NEGR1: variants seen among roughly 807,000 people sequenced by gnomAD.
NEGR1 encodes IgLON family member 4.
A neutral mutation model predicts 40.9 loss-of-function variants in NEGR1; 10 were observed. That is an observed-to-expected ratio of 0.24 (90% confidence interval 0.15 to 0.42). The LOEUF (loss-of-function observed/expected upper bound fraction) is 0.42. NEGR1 is among the 10% of genes least tolerant of loss of function. The pLI, the probability that NEGR1 is intolerant of heterozygous loss-of-function variation, is 1.00. For missense variants in NEGR1, 352 were observed against 438.9 expected, an observed-to-expected ratio of 0.80 and a Z score of 1.77; for synonymous variants, 185 against 166.8, an observed-to-expected ratio of 1.11 and a Z score of -0.84.
At chr1:71,482,803 T>C (rs1408411428) in intron 6 of NEGR1, among the ~76,000 whole-genome samples, 1 of 151,880 alleles carries the variant, frequency 6.6e-6, no homozygotes, top group Non-Finnish European at 1.5e-5. Context: ...CAAATGTGCA[T>C]TAATTCAGCA....
intron 2 of NEGR1, among the ~76,000 whole-genome samples, chr1:71,776,737 A>T (rs919949936): frequency 1.2e-4 from 19 of 152,128 alleles, no homozygotes; most frequent in Non-Finnish European, 2.6e-4. Flanking sequence ...AAGCTGGGTG[A>T]GTTAGGACAT....
At chr1:72,138,235 T>A (rs1269580908) in intron 1 of NEGR1, among the ~76,000 whole-genome samples, 5 of 151,880 alleles carry the variant, frequency 3.3e-5, no homozygotes, top group African/African-American at 1.2e-4. Context: ...AATTATTTTT[T>A]TAAAAAACAA....
chr1:72,076,422 C>T (rs536544774), intron 1 of NEGR1, among the ~76,000 whole-genome samples: 3 of 152,282 alleles, frequency 2.0e-5, no homozygotes, highest in South Asian at 4.1e-4. Flanking sequence ...ATGATAAATA[C>T]ATTTCTGTTG....
intron 2 of NEGR1, among the ~76,000 whole-genome samples, chr1:71,779,982 A>G (rs1255821014): frequency 6.8e-6 from 1 of 147,394 alleles, no homozygotes; most frequent in Non-Finnish European, 1.5e-5. Context: ...GGTGTGGTAT[A>G]GAGAAGGGTT....
intron 1 of NEGR1, among the ~76,000 whole-genome samples, chr1:72,262,223 T>C (rs961100296): frequency 1.3e-5 from 2 of 151,906 alleles, no homozygotes; most frequent in African/African-American, 4.8e-5. Flanking sequence ...TTACATAAGG[T>C]TTGGAAAGTG....
At chr1:72,195,046 T>C (rs568345344) in intron 1 of NEGR1, among the ~76,000 whole-genome samples, 1 of 152,168 alleles carries the variant, frequency 6.6e-6, no homozygotes, top group East Asian at 1.9e-4. Flanking sequence ...TCTGTCAATC[T>C]TACCATTATG....
chr1:71,417,498 C>T (rs1569847826), intron 6 of NEGR1, among the ~76,000 whole-genome samples: 1 of 152,292 alleles, frequency 6.6e-6, no homozygotes, highest in East Asian at 1.9e-4. Flanking sequence ...GGATGTCTCT[C>T]AAGACATCAT....
At chr1:71,709,537 A>G (rs1219621006) in intron 3 of NEGR1, among the ~76,000 whole-genome samples, 1 of 152,166 alleles carries the variant, frequency 6.6e-6, no homozygotes, top group Non-Finnish European at 1.5e-5. Flanking sequence ...GAACAATGGA[A>G]CAGAATAGAG....
intron 4 of NEGR1, among the ~76,000 whole-genome samples, chr1:71,658,404 C>T (rs1651943227): frequency 6.6e-6 from 1 of 151,488 alleles, no homozygotes; most frequent in Non-Finnish European, 1.5e-5. Context: ...AAATAAACTA[C>T]ATTTTTTTTT....
intron 1 of NEGR1, among the ~76,000 whole-genome samples, chr1:72,127,741 A>G (rs1020272542): frequency 1.3e-5 from 2 of 152,128 alleles, no homozygotes; most frequent in African/African-American, 4.8e-5. Context: ...TGGAAGACAC[A>G]TAGTTCATCA....
At chr1:72,208,457 C>T (rs1434138239) in intron 1 of NEGR1, among the ~76,000 whole-genome samples, 1 of 151,428 alleles carries the variant, frequency 6.6e-6, no homozygotes, top group African/African-American at 2.4e-5. Context: ...TTTTGGCTCT[C>T]CAAAGAAATC....
At chr1:71,558,721 T>C (rs1358119235) in intron 6 of NEGR1, among the ~76,000 whole-genome samples, 1 of 121,040 alleles carries the variant, frequency 8.3e-6, no homozygotes, top group Non-Finnish European at 1.8e-5. Context: ...TTCTTTTCTT[T>C]CTTTTTTTTT....
At chr1:71,505,990 T>C (rs1647031801) in intron 6 of NEGR1, among the ~76,000 whole-genome samples, 6 of 152,210 alleles carry the variant, frequency 3.9e-5, no homozygotes, top group Admixed American at 3.3e-4. Context: ...AAAAGTTAAA[T>C]ATTTAGGATG....
chr1:71,822,740 A>G lies in NEGR1; in HGVS notation c.410-46443T>C, dbSNP rs367821483. On this transcript the variant is annotated intron_variant, in intron 2 of 6. Transcript: ENST00000357731. The stretch of plus-strand genomic sequence containing the variant: ...CCTGCCATTTGGGCCTGCCTTGGCC[A>G]GTTCCACTATTAAAGGCTCACAGCG... Among the ~76,000 whole-genome samples, 57 of 152,092 alleles carry G rather than the reference A, an allele frequency of 3.7e-4. No individual in the cohort carries two copies. The Middle Eastern group carries it at 0.01, about 27-fold the overall frequency.
intron 6 of NEGR1, among the ~76,000 whole-genome samples, chr1:71,472,977 G>A (rs558635286): frequency 6.6e-6 from 1 of 152,138 alleles, no homozygotes; most frequent in South Asian, 2.1e-4. Context: ...AACCATGAGA[G>A]AAATTCAGAG....
At chr1:71,737,490 A>G (rs1398125279) in intron 3 of NEGR1, among the ~76,000 whole-genome samples, 1 of 152,034 alleles carries the variant, frequency 6.6e-6, no homozygotes, top group Non-Finnish European at 1.5e-5. Flanking sequence ...AGATAGGAGA[A>G]CTCTCTCACT....
intron 4 of NEGR1, among the ~76,000 whole-genome samples, chr1:71,661,491 A>G (rs1277356396): frequency 1.3e-5 from 2 of 152,236 alleles, no homozygotes; most frequent in African/African-American, 4.8e-5. Flanking sequence ...AGAGATGTTT[A>G]TCTAAAGGAT....
At chr1:71,428,934 T>A (rs979037841) in intron 6 of NEGR1, among the ~76,000 whole-genome samples, 1 of 152,054 alleles carries the variant, frequency 6.6e-6, no homozygotes, top group African/African-American at 2.4e-5. Flanking sequence ...AAACTCCCTT[T>A]GGATTTTCTC....
intron 1 of NEGR1, among the ~76,000 whole-genome samples, chr1:72,027,416 G>C (rs1646821333): frequency 6.6e-6 from 1 of 151,714 alleles, no homozygotes; most frequent in Non-Finnish European, 1.5e-5. Context: ...TCATATGATA[G>C]ATCTATTAGC....
Sources: gnomAD v4.1 joint callset for allele counts (sites outside exome capture counted in the v4.1 genomes callset) on GRCh38, gnomAD v4.1.1 for gene constraint, MANE v1.5 for transcripts, NCBI Gene and HGNC (gene_info 2026-07-23, HGNC 2026-07-21) for gene names.